The following TRAM2 variants were observed in gnomAD, a reference collection of about 807,000 sequenced individuals.
TRAM2 encodes the protein translocating chain-associated membrane protein 2.
TRAM2 carries 12 observed loss-of-function variants against 51.0 expected under a neutral mutation model. The observed-to-expected ratio is 0.24, with a 90% CI of 0.15 to 0.38. The LOEUF (loss-of-function observed/expected upper bound fraction) is 0.38. TRAM2 is among the 10% of genes least tolerant of loss of function. TRAM2 has a pLI of 1.00. For synonymous variants in TRAM2, 175 were observed against 179.4 expected (o/e 0.98, Z 0.20); for missense variants, 361 against 462.0 (o/e 0.78, Z 2.00).
At chr6:52,508,424 G>T in intron 5 of TRAM2, 106 bp from the exon 6 acceptor site, 1 of 1,107,528 alleles carries the variant, frequency 9.0e-7, no homozygotes, top group East Asian at 2.5e-5. Flanking sequence ...CTGCCTGTGA[G>T]GAGCTGGTCC....
intron 1 of TRAM2, among the ~76,000 whole-genome samples, chr6:52,549,784 A>C (rs1301650843): frequency 1.3e-5 from 2 of 152,202 alleles, no homozygotes; most frequent in Non-Finnish European, 2.9e-5. Flanking sequence ...GAAGCATTTA[A>C]TGCGCCATCA....
chr6:52,564,575 G>A (rs1004555900), intron 1 of TRAM2, among the ~76,000 whole-genome samples: 1 of 151,970 alleles, frequency 6.6e-6, no homozygotes, highest in African/African-American at 2.4e-5. Context: ...TTTTTAAAAT[G>A]AACAGTCCCT....
At chr6:52,547,963 A>G (rs1038800985) in intron 1 of TRAM2, among the ~76,000 whole-genome samples, 3 of 152,252 alleles carry the variant, frequency 2.0e-5, no homozygotes, top group African/African-American at 7.2e-5. Context: ...TTCTAAACAG[A>G]TATGTCATGG....
chr6:52,569,422 T>C (rs1314254304), intron 1 of TRAM2, among the ~76,000 whole-genome samples: 1 of 150,176 alleles, frequency 6.7e-6, no homozygotes, highest in Non-Finnish European at 1.5e-5. Flanking sequence ...GAAATGCAGG[T>C]TGTTTAAACC....
chr6:52,522,736 T>C (rs1243728957), intron 2 of TRAM2: 1 of 584,282 alleles, frequency 1.7e-6, no homozygotes. Context: ...TATCTTTGAT[T>C]ACAGTTTAAA....
chr6:52,498,354 C>T lies in TRAM2; in HGVS notation c.*4843G>A, dbSNP rs1285230237. 6.6e-6 allele frequency: 1 copy of T among 152,546 alleles called. No homozygotes were observed. Among genetic ancestry groups the T allele is most frequent in the African/African-American group, 2.4e-5 (1 of 41,414 alleles). 9.4% of individuals were successfully genotyped at this position (152,546 alleles called of 1,614,324 possible). ...GGTAACACTGAATTAGGAGCTCGAA[C>T]AGTTCTGCAACAGTCAGACATGTAT... On this transcript the variant is annotated 3_prime_UTR_variant, in exon 11 of 11. Transcript: ENST00000182527.
At chr6:52,504,549 A>T in intron 10 of TRAM2, 42 bp downstream of exon 10, 1 of 1,611,724 alleles carries the variant, frequency 6.2e-7, no homozygotes, top group Non-Finnish European at 8.5e-7. Context: ...TCCCAGACAG[A>T]CTTCCCTGGC....
intron 2 of TRAM2, among the ~76,000 whole-genome samples, chr6:52,521,826 C>T (rs546987986): frequency 1.3e-5 from 2 of 152,322 alleles, no homozygotes; most frequent in East Asian, 1.9e-4. Flanking sequence ...CTGCCCCTGT[C>T]GTGCATGAGC....
At chr6:52,544,278 C>G (rs1376487087) in intron 1 of TRAM2, among the ~76,000 whole-genome samples, 1 of 152,148 alleles carries the variant, frequency 6.6e-6, no homozygotes, top group African/African-American at 2.4e-5. Context: ...TTAAACTAAG[C>G]AAACTGAGGC....
rs1766141111 is a variant in TRAM2 at position 52,498,719 on chromosome 6, C to T, written c.*4478G>A. ...ACAGAACACACCACAGACCCTAATC[C>T]TGGGCAGCGGGGTTAGAAACAAATG... On this transcript the variant is annotated 3_prime_UTR_variant, in exon 11 of 11. Transcript: ENST00000182527. 6.5e-6 allele frequency: 1 copy of T among 152,722 alleles called. No individual in the cohort carries two copies. The highest frequency in any genetic ancestry group is 2.4e-5 in the African/African-American group (1 of 41,432). 9.5% of individuals were successfully genotyped at this position (152,722 alleles called of 1,614,324 possible).
intron 2 of TRAM2, among the ~76,000 whole-genome samples, chr6:52,519,895 A>G (rs1766636109): frequency 1.3e-5 from 2 of 152,228 alleles, no homozygotes; most frequent in East Asian, 3.8e-4. Context: ...AGTCAGTCAC[A>G]AAAGGACAAA....
rs1766152052 is a variant in TRAM2, at chr6:52,499,125, T to A, written c.*4072A>T. 6.6e-6 allele frequency: 1 copy of A among 152,152 alleles called. No individual in the cohort carries two copies. 9.4% of individuals were successfully genotyped at this position (152,152 alleles called of 1,614,324 possible). On this transcript the variant is annotated 3_prime_UTR_variant, in exon 11 of 11. Coordinates refer to ENST00000182527, the MANE Select transcript of TRAM2 (RefSeq NM_012288.4). ...GGTAGAGTGAGAAGTTGGTAAAGTC[T>A]TCCTCACTGGGACAACCTTGAGCTG...
chr6:52,553,054 C>T (rs1255995576), intron 1 of TRAM2, among the ~76,000 whole-genome samples: 1 of 152,170 alleles, frequency 6.6e-6, no homozygotes, highest in Non-Finnish European at 1.5e-5. Context: ...CCTCCCCTCC[C>T]ACTATCCATA....
chr6:52,553,011 C>A (rs1190329378), intron 1 of TRAM2, among the ~76,000 whole-genome samples: 1 of 152,190 alleles, frequency 6.6e-6, no homozygotes, highest in Non-Finnish European at 1.5e-5. Context: ...AGACTTCTAA[C>A]TGGATCCTCA....
At chr6:52,532,148 C>T (rs922777483) in intron 2 of TRAM2, among the ~76,000 whole-genome samples, 12 of 152,156 alleles carry the variant, frequency 7.9e-5, no homozygotes, top group African/African-American at 2.9e-4. Flanking sequence ...CACTTGTCTG[C>T]CAATGTCTCT....
Position 52,504,672 on chromosome 6 carries a change from C to T in TRAM2, c.958G>A (p.Glu320Lys). 6.2e-7 allele frequency: 1 copy of T among 1,613,578 alleles called. No homozygotes were observed. Among genetic ancestry groups the T allele is most frequent in the East Asian group, 2.2e-5 (1 of 44,878 alleles). ...FIHSQLRHWR[E>K]YWNEQSAKRR... ...TTTGCACTCTGCTCATTCCAGTATT[C>T]CCGCCAGTGCCGCAGCTGGGAGTGG... The change falls in exon 10 of 11, where the codon GAA (glutamate) becomes AAA (lysine). Residue 320 changes from glutamate to lysine, a missense_variant. Coordinates refer to ENST00000182527, the MANE Select transcript of TRAM2 (RefSeq NM_012288.4).
chr6:52,503,081 T>C lies in TRAM2; in HGVS notation c.*116A>G. 1 of 857,868 alleles carries C rather than the reference T, an allele frequency of 1.2e-6. No individual in the cohort carries two copies. 53.1% of individuals were successfully genotyped at this position (857,868 alleles called of 1,614,324 possible). A position where few individuals can be genotyped will look rare whatever the true frequency, so the allele number is the denominator to read the frequency against. On this transcript the variant is annotated 3_prime_UTR_variant, in exon 11 of 11. Coordinates refer to ENST00000182527, the MANE Select transcript of TRAM2 (RefSeq NM_012288.4). ...CCCTCCCCCCATTGCAAGACAGGTTTCGGCTGTTTGAGACGGAGCATCACA... is the reference window on the plus strand; with the variant it reads ...CCCTCCCCCCATTGCAAGACAGGTTCCGGCTGTTTGAGACGGAGCATCACA...
At chr6:52,516,544 A>G (rs1766552628) in intron 3 of TRAM2, 84 bp downstream of exon 3, 1 of 1,099,874 alleles carries the variant, frequency 9.1e-7, no homozygotes, top group Non-Finnish European at 1.4e-6. Context: ...ATGGGTGCAG[A>G]GCTGCAGTTT....
At chr6:52,559,311 C>T (rs182836604) in intron 1 of TRAM2, among the ~76,000 whole-genome samples, 3 of 152,278 alleles carry the variant, frequency 2.0e-5, no homozygotes, top group Admixed American at 2.0e-4. Flanking sequence ...CCTGGCTCAC[C>T]AATTTACTAG....
Sources: allele counts gnomAD v4.1 joint callset (sites outside exome capture counted in the v4.1 genomes callset), GRCh38; gene constraint gnomAD v4.1.1; transcripts MANE v1.5; gene names NCBI Gene and HGNC (gene_info 2026-07-23, HGNC 2026-07-21).